Variants in CATSPERT observed in about 807,000 individuals in gnomAD.
CATSPERT encodes the protein catsper channel auxiliary subunit tau.
At chr2:201,611,455 G>A in the CATSPERT span, among the ~76,000 whole-genome samples, 1 of 152,164 alleles carries the variant, frequency 6.6e-6, no homozygotes, top group Admixed American at 6.5e-5. Context: ...CTTATGGGAT[G>A]CTGCGAAAGC....
the CATSPERT span, chr2:201,571,895 AAGT>A: frequency 6.5e-7 from 1 of 1,539,908 alleles, no homozygotes; most frequent in Non-Finnish European, 8.9e-7. Flanking sequence ...AAATTGTTTT[AAGT>A]GCCACATGAT....
chr2:201,487,522 G>T, the CATSPERT span: 1 of 1,203,458 alleles, frequency 8.3e-7, no homozygotes, highest in South Asian at 1.5e-5. Flanking sequence ...AAACCATTTT[G>T]TTAATGGAGA....
At chr2:201,508,534 A>G in the CATSPERT span, among the ~76,000 whole-genome samples, 3 of 152,248 alleles carry the variant, frequency 2.0e-5, no homozygotes, top group Non-Finnish European at 4.4e-5. Flanking sequence ...AATAGTGTTA[A>G]GTATATTCAC....
chr2:201,494,525 C>G, the CATSPERT span: 1 of 1,536,778 alleles, frequency 6.5e-7, no homozygotes, highest in South Asian at 1.2e-5. Context: ...AACTTATTCT[C>G]AGTTTCTAAC....
the CATSPERT span, among the ~76,000 whole-genome samples, chr2:201,576,563 A>T: frequency 6.6e-6 from 1 of 152,170 alleles, no homozygotes; most frequent in East Asian, 1.9e-4. Context: ...TCCTCTTGAT[A>T]TTAAATGTTA....
the CATSPERT span, among the ~76,000 whole-genome samples, chr2:201,566,958 T>C: frequency 6.6e-6 from 1 of 152,192 alleles, no homozygotes; most frequent in Non-Finnish European, 1.5e-5. Context: ...ATAAGAAAGC[T>C]AGTGTTAGAA....
chr2:201,557,340 T>C, the CATSPERT span: 1 of 152,236 alleles, frequency 6.6e-6, no homozygotes, highest in African/African-American at 2.4e-5. Flanking sequence ...ACTTATCAAA[T>C]GATGATACAG....
chr2:201,496,053 G>T, the CATSPERT span: 1 of 929,344 alleles, frequency 1.1e-6, no homozygotes, highest in Non-Finnish European at 1.6e-6. Context: ...AGTTATTAGA[G>T]ATATAAAATT....
the CATSPERT span, among the ~76,000 whole-genome samples, chr2:201,593,598 A>G: frequency 7.5e-6 from 1 of 133,106 alleles, no homozygotes; most frequent in Admixed American, 7.9e-5. Context: ...TCCCATTATT[A>G]ATGTGTGGGA....
the CATSPERT span, among the ~76,000 whole-genome samples, chr2:201,614,970 T>A: frequency 1.2e-3 from 190 of 152,260 alleles, no homozygotes; most frequent in Non-Finnish European, 2.2e-3. Context: ...AGAAGGACAT[T>A]ACATAATGGT....
chr2:201,492,188 T>C, the CATSPERT span: 2 of 1,521,868 alleles, frequency 1.3e-6, no homozygotes. Flanking sequence ...GAATATTTAT[T>C]TTGCTTTTCT....
the CATSPERT span, among the ~76,000 whole-genome samples, chr2:201,522,419 G>A: frequency 0.013 from 1,971 of 152,128 alleles, 47 homozygotes; most frequent in African/African-American, 0.044. Context: ...AAGAAGACCA[G>A]CACACTCCAA....
chr2:201,496,039 C>G, the CATSPERT span: 1 of 1,037,430 alleles, frequency 9.6e-7, no homozygotes, highest in Non-Finnish European at 1.4e-6. Flanking sequence ...TTTATTCTTG[C>G]AATAGTTATT....
chr2:201,591,600 A>T, the CATSPERT span, among the ~76,000 whole-genome samples: 1 of 152,076 alleles, frequency 6.6e-6, no homozygotes, highest in African/African-American at 2.4e-5. Flanking sequence ...CACGATATTG[A>T]TTCTTCCTAC....
the CATSPERT span, among the ~76,000 whole-genome samples, chr2:201,582,381 G>A: frequency 2.0e-5 from 3 of 151,534 alleles, no homozygotes; most frequent in African/African-American, 4.8e-5. Flanking sequence ...CTAGTGATAC[G>A]TTTTTGTATG....
the CATSPERT span, among the ~76,000 whole-genome samples, chr2:201,617,762 T>A: frequency 5.3e-5 from 8 of 151,762 alleles, no homozygotes; most frequent in Non-Finnish European, 8.8e-5. Context: ...AGCATCAGAG[T>A]GAACAGGCAG....
the CATSPERT span, among the ~76,000 whole-genome samples, chr2:201,569,501 T>C: frequency 6.6e-6 from 1 of 152,212 alleles, no homozygotes; most frequent in Non-Finnish European, 1.5e-5. Context: ...GTATCTTCAC[T>C]TGGTTCCTGC....
chr2:201,506,198 C>T, the CATSPERT span, among the ~76,000 whole-genome samples: 971 of 152,200 alleles, frequency 6.4e-3, 4 homozygotes, highest in Middle Eastern at 0.014. Context: ...ACCCGGGAGG[C>T]GGAGGTTGCA....
the CATSPERT span, among the ~76,000 whole-genome samples, chr2:201,615,404 T>A: frequency 3.3e-5 from 5 of 152,180 alleles, no homozygotes; most frequent in South Asian, 6.2e-4. Context: ...TAAGAAACTC[T>A]CTCAAAACTG....
Sources: allele counts gnomAD v4.1 joint callset (sites outside exome capture counted in the v4.1 genomes callset), GRCh38; gene constraint gnomAD v4.1.1; transcripts MANE v1.5; gene names NCBI Gene and HGNC (gene_info 2026-07-23, HGNC 2026-07-21).